WIPI2: variants seen among roughly 807,000 people sequenced by gnomAD.
The protein encoded by WIPI2 is WD repeat domain phosphoinositide-interacting protein 2.
WIPI2 carries 28 observed loss-of-function variants against 52.3 expected under a neutral mutation model. The observed-to-expected ratio is 0.54, with a 90% CI of 0.40 to 0.73. WIPI2 has a LOEUF of 0.73. Among genes scored for constraint, WIPI2 ranks in the 30% least tolerant of loss-of-function variants. WIPI2 has a pLI of 0.00. For missense variants in WIPI2, 506 were observed against 602.9 expected (o/e 0.84, Z 1.68); for synonymous variants, 268 against 245.0 (o/e 1.09, Z -0.88).
chr7:5,209,590 A>C (rs1782454678), intron 3 of WIPI2, among the ~76,000 whole-genome samples: 2 of 152,132 alleles, frequency 1.3e-5, no homozygotes, highest in Non-Finnish European at 2.9e-5. Flanking sequence ...CACCACCTCT[A>C]ATGGCGACTT....
At chr7:5,225,276 G>T (rs1160510686) in intron 8 of WIPI2, among the ~76,000 whole-genome samples, 3 of 152,028 alleles carry the variant, frequency 2.0e-5, no homozygotes, top group South Asian at 2.1e-4. Flanking sequence ...GAGTAGCTGG[G>T]ACTACAGGCA....
In WIPI2 at chr7:5,230,635, C is replaced by G. The variant is rs1244262274; in HGVS notation, c.1253-200C>G. Among the ~76,000 whole-genome samples, 1 of 152,186 alleles carries G rather than the reference C, an allele frequency of 6.6e-6. No homozygotes were observed. The highest frequency in any genetic ancestry group is 1.9e-4 in the East Asian group (1 of 5,202). On this transcript the variant is annotated intron_variant, in intron 12 of 12. Coordinates refer to ENST00000288828, the MANE Select transcript of WIPI2 (RefSeq NM_015610.4). This position sits in a 1 kb window ranked among gnomAD's most constrained non-coding sequence, Gnocchi z 4.8. ...GCATCATTTTGACATTTATGAATGT[C>G]AGAGAACAAATGACTTCATCTCGAG... is the stretch of plus-strand genomic sequence containing the variant.
At position 5,223,723 on chromosome 7, in the gene WIPI2, C is replaced by T. The variant is rs1783269603; in HGVS notation, c.740+1051C>T. On this transcript the variant is annotated intron_variant, in intron 8 of 12. Transcript: ENST00000288828. ...TTCCTCCTGCCTGCTGGGCACTGGG[C>T]ACCTCAAGCCACCAGGCCAGTTTGC... Among the ~76,000 whole-genome samples, 3 of 152,310 alleles carry T rather than the reference C, an allele frequency of 2.0e-5. No homozygotes were observed. The South Asian group carries it at 6.2e-4, about 32-fold the overall frequency.
intron 3 of WIPI2, among the ~76,000 whole-genome samples, chr7:5,201,251 G>A (rs375410333): frequency 6.6e-6 from 1 of 152,236 alleles, no homozygotes; most frequent in Non-Finnish European, 1.5e-5. Context: ...TTAAATTGTT[G>A]CTGGAGTCAC....
chr7:5,220,379 A>G (rs1328289107), intron 7 of WIPI2, among the ~76,000 whole-genome samples: 1 of 151,610 alleles, frequency 6.6e-6, no homozygotes, highest in East Asian at 2.0e-4. Context: ...AGTAGCTGAG[A>G]TTACAAGCGC....
intron 3 of WIPI2, 41 bp from the exon 4 acceptor site, chr7:5,214,494 T>C (rs888364803): frequency 1.9e-6 from 3 of 1,614,024 alleles, no homozygotes; most frequent in South Asian, 1.1e-5. Flanking sequence ...GCCATAGCCA[T>C]GTGGAGATGT....
intron 1 of WIPI2, 84 bp downstream of exon 1, chr7:5,190,577 CG>C (rs1158661245): frequency 7.8e-7 from 1 of 1,274,208 alleles, no homozygotes; most frequent in African/African-American, 1.6e-5. Context: ...CCAAGCTCGG[CG>C]GCGTCGCAGG....
rs757460748 is a variant in WIPI2, at chr7:5,229,722, A to G, written c.1236A>G (p.Ser412=). 6.2e-7 allele frequency: 1 copy of G among 1,613,958 alleles called. No homozygotes were observed. Among genetic ancestry groups the G allele is most frequent in the Non-Finnish European group, 8.5e-7 (1 of 1,179,920 alleles). ...CAGGAAAAGGTACTTACGTGCCTTC[A>G]TCCCCAACGAGACTTGGTAAGGGGC... ...AAAGKGTYVP[S]SPTRLAYTDD... The change falls in exon 12 of 13, where the codon TCA becomes TCG. Residue 412 remains serine (S), a synonymous_variant. Coordinates refer to ENST00000288828, the MANE Select transcript of WIPI2 (RefSeq NM_015610.4).
rs553234864 is a variant in WIPI2, at chr7:5,206,958, T to C, written c.211+7300T>C. 4.4e-4 allele frequency among the ~76,000 whole-genome samples: 67 copies of C among 152,254 alleles called. 1 individual carries two copies. Among genetic ancestry groups the C allele is most frequent in the African/African-American group, 1.6e-3 (65 of 41,560 alleles). ...ATGCTCAGCTAATTTTTCGATTTTT[T>C]TGTAGGGACACGATCTTGTTATGTT... On this transcript the variant is annotated intron_variant, in intron 3 of 12. Coordinates refer to ENST00000288828, the MANE Select transcript of WIPI2 (RefSeq NM_015610.4).
rs745378467 is a variant in WIPI2, at chr7:5,217,132, C to T, written c.521C>T (p.Ala174Val). The change falls in exon 6 of 13, where the codon GCG becomes GTG. Residue 174 changes from alanine (A) to valine (V), a missense_variant. This residue lies in a region of WIPI2 where 237 missense variants were observed against 346.9 expected (regional missense o/e 0.68). Coordinates refer to ENST00000288828, the MANE Select transcript of WIPI2 (RefSeq NM_015610.4). ...ATCAACAACGACAACTGCTACTTGGCGTACCCAGGGAGCGCGACCATCGGA... is the reference window on the plus strand; with the variant it reads ...ATCAACAACGACAACTGCTACTTGGTGTACCCAGGGAGCGCGACCATCGGA... ...LSINNDNCYL[A>V]YPGSATIGEV... The T allele has an allele frequency of 5.0e-6, 8 of 1,613,876 alleles. No individual in the cohort carries two copies. The highest frequency in any genetic ancestry group is 1.3e-5 in the African/African-American group (1 of 74,904).
At chr7:5,213,608 GC>G (rs1782666085) in intron 3 of WIPI2, among the ~76,000 whole-genome samples, 2 of 152,212 alleles carry the variant, frequency 1.3e-5, no homozygotes, top group Admixed American at 1.3e-4. Context: ...GGCATAGTAG[GC>G]CTACCATCTA....
intron 3 of WIPI2, among the ~76,000 whole-genome samples, chr7:5,208,822 T>C (rs188893235): frequency 9.8e-5 from 15 of 152,290 alleles, no homozygotes; most frequent in Admixed American, 2.6e-4. Context: ...TTTTCTAGTT[T>C]CTTTTCCTTT....
chr7:5,233,427 C>T lies in WIPI2; in HGVS notation c.*2480C>T, dbSNP rs763616552. On this transcript the variant is annotated 3_prime_UTR_variant, in exon 13 of 13. Coordinates refer to ENST00000288828, the MANE Select transcript of WIPI2 (RefSeq NM_015610.4). ...CCAAACAGAACGTGTGCTAATTTTC[C>T]GAACTCCAAACTGTACACTCATATT... 2.0e-5 allele frequency: 3 copies of T among 152,240 alleles called. No homozygotes were observed. Among genetic ancestry groups the T allele is most frequent in the South Asian group, 2.1e-4 (1 of 4,836 alleles). The allele number at this position is 152,240 out of a possible 1,614,324, so 9.4% of individuals were successfully genotyped here.
intron 11 of WIPI2, 115 bp from the exon 12 acceptor site, chr7:5,229,493 G>C: frequency 7.7e-7 from 1 of 1,294,604 alleles, no homozygotes; most frequent in South Asian, 1.5e-5. Context: ...TGAATGCCTG[G>C]CGTCCTGTGT....
chr7:5,205,157 G>C (rs1474695960), intron 3 of WIPI2, among the ~76,000 whole-genome samples: 1 of 152,116 alleles, frequency 6.6e-6, no homozygotes, highest in Non-Finnish European at 1.5e-5. Flanking sequence ...TGTATTTTTA[G>C]TAGAGACGGG....
intron 9 of WIPI2, chr7:5,226,141 A>G: frequency 3.5e-6 from 2 of 573,254 alleles, no homozygotes; most frequent in Non-Finnish European, 6.3e-6. Flanking sequence ...CACAGGCAGC[A>G]CGCAGGGTAG....
chr7:5,197,118 CAAAAAAAAAA>C (rs869261081), intron 2 of WIPI2, among the ~76,000 whole-genome samples: 1 of 41,452 alleles, frequency 2.4e-5, no homozygotes, highest in South Asian at 9.8e-4. Context: ...TCTCAAAAAA[CAAAAAAAAAA>C]AAAAAAAAAA....
At chr7:5,192,193 A>T (rs1007417911) in intron 1 of WIPI2, among the ~76,000 whole-genome samples, 7 of 152,226 alleles carry the variant, frequency 4.6e-5, no homozygotes, top group African/African-American at 1.7e-4. Context: ...CAATTCGGAC[A>T]ACCTGTTGCA....
At chr7:5,196,669 C>T (rs1434978334) in intron 2 of WIPI2, among the ~76,000 whole-genome samples, 1 of 152,066 alleles carries the variant, frequency 6.6e-6, no homozygotes, top group Non-Finnish European at 1.5e-5. Flanking sequence ...CCTCGAAGCT[C>T]ATTTTATACA....
Sources: gnomAD v4.1 joint callset for allele counts (sites outside exome capture counted in the v4.1 genomes callset) on GRCh38, gnomAD v4.1.1 for gene constraint, gnomAD v4.1.1 regional missense constraint, Gnocchi (gnomAD v3.1) non-coding constraint, MANE v1.5 for transcripts, NCBI Gene and HGNC (gene_info 2026-07-23, HGNC 2026-07-21) for gene names.